The following UBR4 variants were observed in gnomAD, a reference collection of about 807,000 sequenced individuals.
The protein encoded by UBR4 is E3 ubiquitin-protein ligase UBR4.
UBR4 carries 124 observed loss-of-function variants against 575.6 expected under a neutral mutation model. The observed-to-expected ratio is 0.22, with a 90% CI of 0.19 to 0.25. The LOEUF (loss-of-function observed/expected upper bound fraction) is 0.25, where lower values mean the gene tolerates loss of function less well. Ranked by LOEUF, UBR4 falls within the 10% of genes least tolerant of loss-of-function variation. The probability of loss-of-function intolerance (pLI) is 1.00; values close to 1 mark genes in which losing one functional copy is unlikely to be tolerated. For synonymous variants in UBR4, 2,455 were observed against 2,473.7 expected (o/e 0.99, Z 0.22); for missense variants, 4,818 against 6,478.8 (o/e 0.74, Z 8.80).
chr1:19,189,912 G>T (rs2091908369), intron 11 of UBR4, among the ~76,000 whole-genome samples: 1 of 152,096 alleles, frequency 6.6e-6, no homozygotes, highest in Non-Finnish European at 1.5e-5. Context: ...TCAGATTTCA[G>T]CTTAATTAGC....
At position 19,074,829 on chromosome 1, in the gene UBR4, T is replaced by C; in HGVS notation, c.*3A>G. ...CTTCGCCGCCGCAGCTGCTGTGTGG[T>C]GGTCAGGGGACTGAGTTCAACAGGT... On this transcript the variant is annotated 3_prime_UTR_variant, in exon 106 of 106. Coordinates refer to ENST00000375254, the MANE Select transcript of UBR4 (RefSeq NM_020765.3). The C allele has an allele frequency of 6.2e-7, 1 of 1,614,044 alleles. No individual in the cohort carries two copies. Among genetic ancestry groups the C allele is most frequent in the Non-Finnish European group, 8.5e-7 (1 of 1,180,010 alleles).
intron 64 of UBR4, 132 bp downstream of exon 64, chr1:19,126,314 C>A: frequency 9.7e-7 from 1 of 1,028,558 alleles, no homozygotes; most frequent in Admixed American, 2.0e-5. Context: ...CCGAGATTAA[C>A]CCCCACCAAG....
At chr1:19,204,534 AAAT>A (rs2092911423) in intron 1 of UBR4, among the ~76,000 whole-genome samples, 1 of 145,508 alleles carries the variant, frequency 6.9e-6, no homozygotes, top group Non-Finnish European at 1.5e-5. Flanking sequence ...ATATAAAAAA[AAAT>A]ATATATATAT....
At chr1:19,180,181 GTTCT>G (rs1310708143) in intron 17 of UBR4, among the ~76,000 whole-genome samples, 1 of 151,278 alleles carries the variant, frequency 6.6e-6, no homozygotes, top group Non-Finnish European at 1.5e-5. Context: ...CTAAAACCAT[GTTCT>G]TTATTTATTT....
chr1:19,124,798 G>C, intron 64 of UBR4, 108 bp from the exon 65 acceptor site: 1 of 1,436,180 alleles, frequency 7.0e-7, no homozygotes, highest in Non-Finnish European at 9.4e-7. Flanking sequence ...GGTGGTAAAG[G>C]GTGCCTTTCA....
Position 19,150,575 on chromosome 1 carries a change from A to G in UBR4, c.7430+2T>C. ...GAAGCCAACCCCTGCCAGCACTGGTACCTCTCCAGGACAGTTCCACTGGTC... is the reference window on the plus strand; with the variant it reads ...GAAGCCAACCCCTGCCAGCACTGGTGCCTCTCCAGGACAGTTCCACTGGTC... On this transcript the variant is annotated splice_donor_variant, in intron 49 of 105. Transcript: ENST00000375254. LOFTEE classifies it high-confidence loss of function. The G allele has an allele frequency of 6.2e-7, 1 of 1,612,766 alleles. No individual in the cohort carries two copies. Among genetic ancestry groups the G allele is most frequent in the Non-Finnish European group, 8.5e-7 (1 of 1,179,990 alleles).
intron 60 of UBR4, among the ~76,000 whole-genome samples, chr1:19,134,433 A>AAAC (rs2082953913): frequency 6.6e-6 from 1 of 152,218 alleles, no homozygotes; most frequent in Non-Finnish European, 1.5e-5. Context: ...ACAAAACAAG[A>AAAC]AACAACAAGA....
Position 19,120,271 on chromosome 1 carries a change from T to C in UBR4, c.10219A>G (p.Thr3407Ala). The change falls in exon 69 of 106, where the codon ACC becomes GCC. Residue 3407 changes from threonine (T) to alanine (A), a missense_variant. Physicochemically the swap from Thr to Ala is moderately conservative, Grantham distance 58. This residue lies in a region of UBR4 where 550 missense variants were observed against 791.5 expected (regional missense o/e 0.69). Coordinates refer to ENST00000375254, the MANE Select transcript of UBR4 (RefSeq NM_020765.3). Reference sequence around the variant, plus strand: ...AAACAACGCAGGAACTGGATCAGGGTTTCCTTATCGGCAAATTTGTTCAGC... The same window carrying C: ...AAACAACGCAGGAACTGGATCAGGGCTTCCTTATCGGCAAATTTGTTCAGC... ...NQLNKFADKE[T>A]LIQFLRCFLL... is the part of the protein sequence containing the mutation. 6.2e-7 allele frequency: 1 copy of C among 1,613,902 alleles called. No individual in the cohort carries two copies. Among genetic ancestry groups the C allele is most frequent in the Non-Finnish European group, 8.5e-7 (1 of 1,179,988 alleles).
chr1:19,138,284 T>G, intron 59 of UBR4, 103 bp from the exon 60 acceptor site: 1 of 1,222,492 alleles, frequency 8.2e-7, no homozygotes, highest in Non-Finnish European at 1.1e-6. Context: ...ACTGACAGCA[T>G]TAGACAATAA....
Position 19,145,752 on chromosome 1 carries a change from C to T in UBR4, c.7945+41G>A, listed in dbSNP as rs751654995. The T allele has an allele frequency of 4.4e-6, 7 of 1,602,238 alleles. No individual in the cohort carries two copies. The East Asian group carries it at 1.6e-4, about 36-fold the overall frequency. Reference sequence around the variant, plus strand: ...AGCTGTTCAAAGACAGAACTTACATCAGGCTTCATTACCAAGATTCAAATA... The same window carrying T: ...AGCTGTTCAAAGACAGAACTTACATTAGGCTTCATTACCAAGATTCAAATA... On this transcript the variant is annotated intron_variant, in intron 53 of 105. Coordinates refer to ENST00000375254, the MANE Select transcript of UBR4 (RefSeq NM_020765.3).
intron 34 of UBR4, 21 bp from the exon 35 acceptor site, chr1:19,162,632 C>A (rs1245820353): frequency 1.3e-6 from 2 of 1,594,036 alleles, no homozygotes; most frequent in Non-Finnish European, 1.7e-6. Context: ...AGCCCCACAG[C>A]AACTTCAGAT....
intron 22 of UBR4, 144 bp downstream of exon 22, chr1:19,174,175 C>A: frequency 8.7e-7 from 1 of 1,146,336 alleles, no homozygotes; most frequent in Non-Finnish European, 1.2e-6. Flanking sequence ...CATAGCTACA[C>A]AAACTACCTA....
chr1:19,170,755 C>G lies in UBR4; in HGVS notation c.3643+7G>C, dbSNP rs778116970. On this transcript the variant is annotated splice_region_variant and intron_variant, in intron 26 of 105. Transcript: ENST00000375254. ...AATATTACTCAAAAGCACATTTGTT[C>G]TCTTACCCAGAGTATTTGCCTTGCA... 6.2e-7 allele frequency: 1 copy of G among 1,614,156 alleles called. No homozygotes were observed. The highest frequency in any genetic ancestry group is 8.5e-7 in the Non-Finnish European group (1 of 1,180,020).
chr1:19,195,012 G>C (rs2092362610), intron 8 of UBR4, among the ~76,000 whole-genome samples: 1 of 151,554 alleles, frequency 6.6e-6, no homozygotes, highest in African/African-American at 2.4e-5. Flanking sequence ...TGTAATCCCA[G>C]CACTTTAGGA....
intron 43 of UBR4, 106 bp from the exon 44 acceptor site, chr1:19,155,181 TC>T: frequency 4.1e-6 from 6 of 1,471,030 alleles, no homozygotes; most frequent in Non-Finnish European, 4.7e-6. Flanking sequence ...GCTCTCATAC[TC>T]TAAGCATGAG....
chr1:19,143,101 G>C (rs1380566060), intron 55 of UBR4, among the ~76,000 whole-genome samples: 1 of 145,798 alleles, frequency 6.9e-6, no homozygotes, highest in Non-Finnish European at 1.5e-5. Flanking sequence ...AGACGAGAGA[G>C]AGAGAGAAAG....
At chr1:19,097,372 T>C (rs1037139896) in intron 90 of UBR4, 92 bp from the exon 91 acceptor site, 41 of 1,022,074 alleles carry the variant, frequency 4.0e-5, no homozygotes, top group African/African-American at 3.4e-4. Flanking sequence ...GCCCCAGCAA[T>C]GTGGAGAGCC....
chr1:19,182,336 G>T (rs562210521), intron 17 of UBR4, among the ~76,000 whole-genome samples: 26 of 122,848 alleles, frequency 2.1e-4, no homozygotes, highest in African/African-American at 7.8e-4. Flanking sequence ...GGATCATATA[G>T]TAATTCTATT....
intron 60 of UBR4, among the ~76,000 whole-genome samples, chr1:19,133,032 A>T (rs1228216504): frequency 6.6e-6 from 1 of 152,210 alleles, no homozygotes; most frequent in African/African-American, 2.4e-5. Flanking sequence ...CTAAGAATTT[A>T]TGGAAGAAAT....
Sources: gnomAD v4.1 joint callset for allele counts (sites outside exome capture counted in the v4.1 genomes callset) on GRCh38, gnomAD v4.1.1 for gene constraint, gnomAD v4.1.1 regional missense constraint, MANE v1.5 for transcripts, NCBI Gene and HGNC (gene_info 2026-07-23, HGNC 2026-07-21) for gene names.